HS3ST5: variants seen among roughly 807,000 people sequenced by gnomAD.
HS3ST5 encodes heparan sulfate-glucosamine 3-sulfotransferase 5, also known as heparan sulfate glucosamine 3-O-sulfotransferase 5.
A neutral mutation model predicts 25.4 loss-of-function variants in HS3ST5; 10 were observed. The observed-to-expected ratio is 0.39, with a 90% CI of 0.24 to 0.67. HS3ST5 has a LOEUF of 0.67. Ranked by LOEUF, HS3ST5 falls within the 30% of genes least tolerant of loss-of-function variation. HS3ST5 has a pLI of 0.44. For missense variants in HS3ST5, 324 were observed against 420.7 expected (o/e 0.77, Z 2.01); for synonymous variants, 170 against 162.4 (o/e 1.05, Z -0.36).
intron 3 of HS3ST5, among the ~76,000 whole-genome samples, chr6:114,119,455 A>G (rs1367123556): frequency 3.3e-5 from 5 of 152,184 alleles, no homozygotes; most frequent in African/African-American, 1.2e-4. Context: ...GGAACTGCAA[A>G]TTGAAATTAA....
At chr6:114,183,203 A>G (rs1293160260) in intron 2 of HS3ST5, among the ~76,000 whole-genome samples, 1 of 152,152 alleles carries the variant, frequency 6.6e-6, no homozygotes, top group African/African-American at 2.4e-5. Context: ...TGTAGCTCCC[A>G]TAATTCTCTC....
intron 2 of HS3ST5, among the ~76,000 whole-genome samples, chr6:114,188,800 T>C (rs985003072): frequency 2.6e-5 from 4 of 152,174 alleles, no homozygotes. Flanking sequence ...TAGTGATTAT[T>C]ATAACTATTA....
In HS3ST5 at chr6:114,299,039, C is replaced by T. The variant is rs180865151; in HGVS notation, c.-339+43156G>A. The stretch of plus-strand genomic sequence containing the variant: ...CCTTAAATTCTGACCGCTGGTGAGC[C>T]GGGCGGAACAGAGCCATATTTCTCT... On this transcript the variant is annotated intron_variant, in intron 1 of 4. Transcript: ENST00000312719. Among the ~76,000 whole-genome samples the T allele has an allele frequency of 1.9e-3, 284 of 152,288 alleles. 1 individual carries two copies. The highest frequency in any genetic ancestry group is 6.4e-3 in the African/African-American group (267 of 41,566).
intron 4 of HS3ST5, among the ~76,000 whole-genome samples, chr6:114,061,359 C>G (rs949000202): frequency 3.9e-5 from 6 of 152,252 alleles, no homozygotes; most frequent in African/African-American, 1.2e-4. Flanking sequence ...TCTGATTACA[C>G]TTTCAGGGTA....
chr6:114,106,686 T>A (rs1462718474), intron 3 of HS3ST5, among the ~76,000 whole-genome samples: 1 of 152,106 alleles, frequency 6.6e-6, no homozygotes, highest in Non-Finnish European at 1.5e-5. Context: ...AGCTGAAGCT[T>A]ATACCATTAC....
chr6:114,094,528 C>CT (rs1220817037), intron 3 of HS3ST5, among the ~76,000 whole-genome samples: 3 of 152,082 alleles, frequency 2.0e-5, no homozygotes, highest in Admixed American at 2.0e-4. Context: ...GGAGTTATTC[C>CT]TTTTTTTCCT....
intron 2 of HS3ST5, among the ~76,000 whole-genome samples, chr6:114,225,945 A>G (rs1483275833): frequency 6.6e-6 from 1 of 151,694 alleles, no homozygotes; most frequent in Non-Finnish European, 1.5e-5. Context: ...TATACCACCC[A>G]CTCTCGAACA....
Position 114,057,116 on chromosome 6 carries a change from A to G in HS3ST5, c.*141T>C. 1.7e-6 allele frequency: 1 copy of G among 592,716 alleles called. No individual in the cohort carries two copies. Among genetic ancestry groups the G allele is most frequent in the South Asian group, 3.1e-5 (1 of 32,050 alleles). The allele number at this position is 592,716 out of a possible 1,614,324, so 36.7% of individuals were successfully genotyped here. On this transcript the variant is annotated 3_prime_UTR_variant, in exon 5 of 5. Transcript: ENST00000312719. ...TCAGTAGAAAAAGAACTGATCTTAT[A>G]TTTGGTCACACACTGCGTATGTACA...
chr6:114,290,264 T>C (rs575603766), intron 1 of HS3ST5, among the ~76,000 whole-genome samples: 15 of 152,250 alleles, frequency 9.9e-5, no homozygotes, highest in African/African-American at 3.4e-4. Flanking sequence ...TTGAAAAGTG[T>C]GAAGTGGACC....
chr6:114,190,809 A>G (rs1224738179), intron 2 of HS3ST5, among the ~76,000 whole-genome samples: 2 of 152,170 alleles, frequency 1.3e-5, no homozygotes, highest in African/African-American at 4.8e-5. Flanking sequence ...GAACTTCGCT[A>G]TTGTGAAGAT....
At chr6:114,304,496 T>C (rs1775211003) in intron 1 of HS3ST5, among the ~76,000 whole-genome samples, 1 of 152,096 alleles carries the variant, frequency 6.6e-6, no homozygotes, top group Non-Finnish European at 1.5e-5. Context: ...AAATGGAAGC[T>C]CCCTCTAGTG....
chr6:114,176,448 C>T (rs1451623163), intron 2 of HS3ST5, among the ~76,000 whole-genome samples: 1 of 152,140 alleles, frequency 6.6e-6, no homozygotes, highest in Non-Finnish European at 1.5e-5. Flanking sequence ...AGGAAAAAGC[C>T]ACTTGTATCA....
At chr6:114,142,862 A>T (rs1777976936) in intron 3 of HS3ST5, 1 of 152,184 alleles carries the variant, frequency 6.6e-6, no homozygotes, top group South Asian at 2.1e-4. Context: ...AGTAAAAGTT[A>T]TCTTCTCACC....
intron 2 of HS3ST5, among the ~76,000 whole-genome samples, chr6:114,172,462 C>T (rs1401124582): frequency 6.6e-6 from 1 of 152,198 alleles, no homozygotes; most frequent in Non-Finnish European, 1.5e-5. Context: ...TCTGGACATC[C>T]TCAGAAGGTT....
intron 3 of HS3ST5, chr6:114,084,039 T>C (rs901749706): frequency 3.5e-6 from 2 of 565,388 alleles, no homozygotes; most frequent in Non-Finnish European, 6.2e-6. Context: ...GTACAAACAC[T>C]TGGTCTTTTT....
intron 3 of HS3ST5, among the ~76,000 whole-genome samples, chr6:114,068,870 A>G (rs1177188793): frequency 6.6e-6 from 1 of 152,180 alleles, no homozygotes; most frequent in Admixed American, 6.5e-5. Flanking sequence ...TAGTTTCTTC[A>G]GACTCTTAAA....
chr6:114,322,810 G>C (rs1776019592), intron 1 of HS3ST5, among the ~76,000 whole-genome samples: 2 of 152,130 alleles, frequency 1.3e-5, no homozygotes, highest in Admixed American at 6.6e-5. Flanking sequence ...TAATAGTATA[G>C]ACAGTATTAA....
Position 114,209,845 on chromosome 6 carries a change from G to A in HS3ST5, c.-145+18740C>T, listed in dbSNP as rs148611505. On this transcript the variant is annotated intron_variant, in intron 2 of 4. Coordinates refer to ENST00000312719, the MANE Select transcript of HS3ST5 (RefSeq NM_153612.4). Reference sequence around the variant, plus strand: ...CATATGAATGCTTGTGTATGTTGCTGCACAGTAGCATAAACTTCAAGTTTG... The same window carrying A: ...CATATGAATGCTTGTGTATGTTGCTACACAGTAGCATAAACTTCAAGTTTG... Among the ~76,000 whole-genome samples the A allele has an allele frequency of 1.8e-3, 273 of 152,278 alleles. 2 individuals are homozygous for A. In the Middle Eastern group the frequency reaches 0.037, roughly 21 times the overall value.
chr6:114,322,189 G>A (rs785140), intron 1 of HS3ST5, among the ~76,000 whole-genome samples: 9,153 of 152,124 alleles, frequency 0.06, 842 homozygotes, highest in African/African-American at 0.2. Flanking sequence ...TATTTCCTGC[G>A]CAACTGAAAT....
Sources: gnomAD v4.1 joint callset for allele counts (sites outside exome capture counted in the v4.1 genomes callset) on GRCh38, gnomAD v4.1.1 for gene constraint, MANE v1.5 for transcripts, NCBI Gene and HGNC (gene_info 2026-07-23, HGNC 2026-07-21) for gene names.